KIF18A: variants seen among roughly 807,000 people sequenced by gnomAD.
KIF18A encodes the protein kinesin-like protein KIF18A.
Under a neutral mutation model 103.3 loss-of-function variants are expected in KIF18A, and 67 were observed. The ratio of observed to expected loss-of-function variants is 0.65; its 90% CI spans 0.53 to 0.79. The LOEUF (loss-of-function observed/expected upper bound fraction) is 0.79, where lower values mean the gene tolerates loss of function less well. KIF18A is among the 30% of genes least tolerant of loss of function. The pLI, the probability that KIF18A is intolerant of heterozygous loss-of-function variation, is 0.00. For synonymous variants in KIF18A, 367 were observed against 355.5 expected, an observed-to-expected ratio of 1.03 and a Z score of -0.36; for missense variants, 1,032 against 1,062.5, an observed-to-expected ratio of 0.97 and a Z score of 0.40.
At chr11:28,064,981 C>T (rs1029267585) in intron 11 of KIF18A, among the ~76,000 whole-genome samples, 5 of 152,098 alleles carry the variant, frequency 3.3e-5, no homozygotes, top group East Asian at 1.9e-4. Flanking sequence ...ATCAGTTTTG[C>T]GTTTTAAAAA....
intron 13 of KIF18A, among the ~76,000 whole-genome samples, chr11:28,046,739 G>GAA (rs11431907): frequency 0.016 from 2,124 of 131,360 alleles, 44 homozygotes; most frequent in East Asian, 0.098. Context: ...GAAATTAAAT[G>GAA]AAAAAAAAAA....
Position 28,094,642 on chromosome 11 carries a change from C to T in KIF18A, c.483+1G>A. ...TTGATTAATCTAAATTCCCAACTTA[C>T]CTCCAGATATGAAACTGCAGTACTA... On this transcript the variant is annotated splice_donor_variant, in intron 3 of 16. Transcript: ENST00000263181. LOFTEE classifies it high-confidence loss of function. The T allele has an allele frequency of 6.2e-7, 1 of 1,602,058 alleles. No homozygotes were observed. Among genetic ancestry groups the T allele is most frequent in the Non-Finnish European group, 8.5e-7 (1 of 1,170,210 alleles).
intron 13 of KIF18A, among the ~76,000 whole-genome samples, chr11:28,055,684 A>G (rs1850771611): frequency 1.3e-5 from 2 of 152,180 alleles, no homozygotes; most frequent in Admixed American, 6.5e-5. Flanking sequence ...TGAATTGCTA[A>G]TGCTACCTAG....
intron 16 of KIF18A, among the ~76,000 whole-genome samples, chr11:28,021,536 G>A (rs1466311467): frequency 3.3e-5 from 5 of 152,092 alleles, no homozygotes; most frequent in Admixed American, 1.3e-4. Context: ...GGGTGAAGTC[G>A]CTGAATTAAA....
rs115636360 is a variant in KIF18A, at chr11:28,089,227, A to G, written c.700-506T>C. Among the ~76,000 whole-genome samples, 770 of 152,332 alleles carry G rather than the reference A, an allele frequency of 5.1e-3. 7 individuals are homozygous for G. The highest frequency in any genetic ancestry group is 0.018 in the African/African-American group (731 of 41,568). On this transcript the variant is annotated intron_variant, in intron 5 of 16. Coordinates refer to ENST00000263181, the MANE Select transcript of KIF18A (RefSeq NM_031217.4). Reference sequence around the variant, plus strand: ...TTAAAATATCATATATAAAAAAGATAGTACAGTCTTGCATCACTTAACAAC... The same window carrying G: ...TTAAAATATCATATATAAAAAAGATGGTACAGTCTTGCATCACTTAACAAC...
chr11:28,055,043 A>G (rs1850760724), intron 13 of KIF18A, among the ~76,000 whole-genome samples: 2 of 152,208 alleles, frequency 1.3e-5, no homozygotes, highest in Non-Finnish European at 2.9e-5. Context: ...TGAGTACATT[A>G]TAAAAAATGA....
intron 16 of KIF18A, among the ~76,000 whole-genome samples, chr11:28,023,228 T>A (rs545036518): frequency 3.9e-5 from 6 of 152,268 alleles, no homozygotes; most frequent in African/African-American, 1.2e-4. Flanking sequence ...GTATCTTTCA[T>A]ACTGATGGGA....
chr11:28,064,428 T>C (rs1004238091), intron 11 of KIF18A, among the ~76,000 whole-genome samples: 4 of 152,048 alleles, frequency 2.6e-5, no homozygotes, highest in African/African-American at 9.7e-5. Context: ...AGTGTGAACA[T>C]GTTTGCCACA....
intron 13 of KIF18A, among the ~76,000 whole-genome samples, chr11:28,054,073 AG>A (rs1204533729): frequency 6.6e-6 from 1 of 152,198 alleles, no homozygotes. Context: ...AATTTATTGT[AG>A]GGATAGTCAG....
At chr11:28,029,582 G>A (rs1156689160) in intron 15 of KIF18A, among the ~76,000 whole-genome samples, 3 of 152,252 alleles carry the variant, frequency 2.0e-5, no homozygotes, top group East Asian at 3.9e-4. Flanking sequence ...CATACTGAAT[G>A]TGCAAAAACT....
chr11:28,082,154 T>C (rs1456466403), intron 9 of KIF18A, among the ~76,000 whole-genome samples: 1 of 152,144 alleles, frequency 6.6e-6, no homozygotes, highest in Non-Finnish European at 1.5e-5. Context: ...AAAGATGCTA[T>C]CTACGTTGAA....
rs763941847 is a variant in KIF18A, at chr11:28,097,936, A to C, written c.12T>G (p.Thr4=). The C allele has an allele frequency of 6.4e-7, 1 of 1,567,950 alleles. No individual in the cohort carries two copies. Among genetic ancestry groups the C allele is most frequent in the South Asian group, 1.2e-5 (1 of 82,746 alleles). The change falls in exon 2 of 17, where the codon ACT becomes ACG. Residue 4 remains threonine, a synonymous_variant. Transcript: ENST00000263181. MSV[T]EEDLCHHMKV... Reference sequence around the variant, plus strand: ...TCATATGGTGGCACAGGTCTTCCTCAGTGACAGACATTGTTGATTATCTTG... The same window carrying C: ...TCATATGGTGGCACAGGTCTTCCTCCGTGACAGACATTGTTGATTATCTTG...
rs967068255 is a variant in KIF18A at position 28,094,829 on chromosome 11, CTT to C, written c.326-31_326-30del. ...AGTTTTTAAGAAAGGGATCAAAACT[CTT>C]TGTTATGAAATATAACTCTATTATA... On this transcript the variant is annotated intron_variant, in intron 2 of 16. Transcript: ENST00000263181. 5 of 1,603,020 alleles carry C rather than the reference CTT, an allele frequency of 3.1e-6. No individual in the cohort carries two copies. The African/African-American group carries it at 4.0e-5, about 13-fold the overall frequency.
chr11:28,093,438 T>C (rs1232277103), intron 3 of KIF18A, among the ~76,000 whole-genome samples: 1 of 152,086 alleles, frequency 6.6e-6, no homozygotes, highest in Non-Finnish European at 1.5e-5. Flanking sequence ...CAGAAATAAA[T>C]AGGCAATGAA....
chr11:28,028,949 G>A (rs1024596783), intron 15 of KIF18A, among the ~76,000 whole-genome samples: 1 of 152,062 alleles, frequency 6.6e-6, no homozygotes, highest in Non-Finnish European at 1.5e-5. Context: ...TAAATTCCTG[G>A]ACACATACAC....
chr11:28,086,821 G>T (rs1851234631), intron 6 of KIF18A, among the ~76,000 whole-genome samples: 1 of 152,158 alleles, frequency 6.6e-6, no homozygotes, highest in African/African-American at 2.4e-5. Flanking sequence ...AAAAATTATA[G>T]ATTAGTTCAT....
chr11:28,044,534 C>A (rs1274655613), intron 13 of KIF18A, among the ~76,000 whole-genome samples: 1 of 151,960 alleles, frequency 6.6e-6, no homozygotes, highest in Non-Finnish European at 1.5e-5. Context: ...TGAAAGTATG[C>A]GTTTCAGGAT....
chr11:28,023,611 C>T (rs1850273419), intron 16 of KIF18A, 130 bp downstream of exon 16: 1 of 478,498 alleles, frequency 2.1e-6, no homozygotes, highest in South Asian at 4.7e-5. Flanking sequence ...GATAATCATA[C>T]TTGTTCTACC....
At chr11:28,082,699 G>GC (rs768366253) in intron 9 of KIF18A, among the ~76,000 whole-genome samples, 157 bp downstream of exon 9, 55 of 152,016 alleles carry the variant, frequency 3.6e-4, no homozygotes, top group Middle Eastern at 3.4e-3. Flanking sequence ...AGTCAAGCCT[G>GC]TTATGTATGT....
Sources: allele counts gnomAD v4.1 joint callset (sites outside exome capture counted in the v4.1 genomes callset), GRCh38; gene constraint gnomAD v4.1.1; transcripts MANE v1.5; gene names NCBI Gene and HGNC (gene_info 2026-07-23, HGNC 2026-07-21).